Variants in ATRNL1 observed in about 807,000 individuals in gnomAD.
ATRNL1 encodes attractin-like protein 1.
Under a neutral mutation model 182.7 loss-of-function variants are expected in ATRNL1, and 95 were observed. The ratio of observed to expected loss-of-function variants is 0.52; its 90% CI spans 0.44 to 0.62. The LOEUF is 0.62. Among genes scored for constraint, ATRNL1 ranks in the 20% least tolerant of loss-of-function variants. ATRNL1 has a pLI of 0.00. For missense variants in ATRNL1, 1,471 were observed against 1,679.5 expected (o/e 0.88, Z 2.17); for synonymous variants, 576 against 568.3 (o/e 1.01, Z -0.19).
intron 26 of ATRNL1, among the ~76,000 whole-genome samples, chr10:115,662,010 T>C (rs1345611571): frequency 2.0e-5 from 3 of 147,674 alleles, no homozygotes; most frequent in African/African-American, 2.5e-5. Flanking sequence ...TTCCCACCTA[T>C]GAGTGAGAAC....
chr10:115,544,012 A>G (rs1228162355), intron 25 of ATRNL1, among the ~76,000 whole-genome samples: 1 of 151,962 alleles, frequency 6.6e-6, no homozygotes, highest in Admixed American at 6.6e-5. Context: ...TTTTTTTGAA[A>G]AAGAAAGCCC....
chr10:115,624,097 G>A (rs1378484990), intron 26 of ATRNL1, among the ~76,000 whole-genome samples: 1 of 151,940 alleles, frequency 6.6e-6, no homozygotes, highest in Non-Finnish European at 1.5e-5. Flanking sequence ...CTGAATTTAT[G>A]TATTTATTTT....
intron 26 of ATRNL1, among the ~76,000 whole-genome samples, chr10:115,679,323 T>G (rs376279983): frequency 4.2e-4 from 64 of 152,088 alleles, no homozygotes; most frequent in African/African-American, 1.5e-3. Context: ...TGGTTGGTTT[T>G]TTTTTTAATT....
At chr10:115,447,666 C>T (rs1847070133) in intron 21 of ATRNL1, among the ~76,000 whole-genome samples, 1 of 151,726 alleles carries the variant, frequency 6.6e-6, no homozygotes, top group African/African-American at 2.4e-5. Context: ...ACATTTATTT[C>T]CCCATTCTCC....
At chr10:115,530,288 A>G (rs1851489640) in intron 25 of ATRNL1, among the ~76,000 whole-genome samples, 1 of 152,150 alleles carries the variant, frequency 6.6e-6, no homozygotes, top group Admixed American at 6.5e-5. Flanking sequence ...AAACATTGTG[A>G]TAAACTGCCA....
intron 27 of ATRNL1, among the ~76,000 whole-genome samples, chr10:115,771,358 G>A (rs1219812178): frequency 1.3e-5 from 2 of 151,636 alleles, no homozygotes; most frequent in African/African-American, 4.8e-5. Flanking sequence ...AGCCTCCCAA[G>A]TAGCTGGGAC....
chr10:115,786,972 T>C (rs1015470384), intron 27 of ATRNL1, among the ~76,000 whole-genome samples: 6 of 152,230 alleles, frequency 3.9e-5, no homozygotes, highest in Admixed American at 3.3e-4. Context: ...TGGATTAATA[T>C]GTCTGCCTGC....
chr10:115,793,337 C>T (rs1459647931), intron 27 of ATRNL1, among the ~76,000 whole-genome samples: 1 of 152,032 alleles, frequency 6.6e-6, no homozygotes, highest in African/African-American at 2.4e-5. Context: ...TGTAGTCTCT[C>T]ATCATAGAAA....
chr10:115,257,918 GAATGTTGAATTTT>G (rs1554907504), intron 10 of ATRNL1, among the ~76,000 whole-genome samples: 2 of 152,194 alleles, frequency 1.3e-5, no homozygotes, highest in East Asian at 3.9e-4. Flanking sequence ...TTTTCTTTAA[GAATGTTGAATTTT>G]GGCCCTTAGT....
intron 27 of ATRNL1, among the ~76,000 whole-genome samples, chr10:115,737,020 G>C (rs1484136251): frequency 6.6e-6 from 1 of 151,992 alleles, no homozygotes; most frequent in South Asian, 2.1e-4. Flanking sequence ...TGTCATATTT[G>C]CTTGCTGCTC....
intron 24 of ATRNL1, among the ~76,000 whole-genome samples, chr10:115,514,545 T>C (rs1309606626): frequency 6.6e-6 from 1 of 151,892 alleles, no homozygotes; most frequent in Non-Finnish European, 1.5e-5. Flanking sequence ...TTATGATCTT[T>C]CTTATAAGGT....
intron 7 of ATRNL1, among the ~76,000 whole-genome samples, chr10:115,166,614 T>A (rs1847056199): frequency 6.6e-6 from 1 of 152,070 alleles, no homozygotes; most frequent in African/African-American, 2.4e-5. Flanking sequence ...CTAATGAGTA[T>A]CTCACTGTGA....
At chr10:115,646,036 TACACACACACACAC>T (rs58679995) in intron 26 of ATRNL1, among the ~76,000 whole-genome samples, 41 of 141,558 alleles carry the variant, frequency 2.9e-4, no homozygotes, top group African/African-American at 1.0e-3. Context: ...TTTTAAAATT[TACACACACACACAC>T]ACACACACAC....
intron 26 of ATRNL1, among the ~76,000 whole-genome samples, chr10:115,557,578 T>G (rs1365050877): frequency 6.6e-6 from 1 of 152,138 alleles, no homozygotes; most frequent in Non-Finnish European, 1.5e-5. Context: ...TTTAGCCACT[T>G]AGAAATCATT....
At chr10:115,424,665 A>G (rs1845802098) in intron 20 of ATRNL1, among the ~76,000 whole-genome samples, 1 of 152,184 alleles carries the variant, frequency 6.6e-6, no homozygotes, top group South Asian at 2.1e-4. Context: ...ATTATGTGAA[A>G]TAAGCACAGA....
intron 27 of ATRNL1, among the ~76,000 whole-genome samples, chr10:115,812,482 T>A (rs1423919730): frequency 6.6e-6 from 1 of 152,196 alleles, no homozygotes; most frequent in Non-Finnish European, 1.5e-5. Flanking sequence ...AGCTATTCTC[T>A]GCCTACTTAA....
chr10:115,416,235 A>G (rs1248076385), intron 20 of ATRNL1, among the ~76,000 whole-genome samples: 2 of 152,090 alleles, frequency 1.3e-5, no homozygotes, highest in African/African-American at 2.4e-5. Context: ...GCTGAGTTTC[A>G]TACCCAAAAT....
At chr10:115,760,164 TC>T (rs1555073207) in intron 27 of ATRNL1, among the ~76,000 whole-genome samples, 1 of 110,050 alleles carries the variant, frequency 9.1e-6, no homozygotes, top group African/African-American at 3.0e-5. Context: ...TGTTCATTAC[TC>T]CCCTTTCCAA....
At chr10:115,216,043 C>T (rs898369295) in intron 9 of ATRNL1, among the ~76,000 whole-genome samples, 163 bp downstream of exon 9, 2 of 152,104 alleles carry the variant, frequency 1.3e-5, no homozygotes, top group Non-Finnish European at 2.9e-5. Flanking sequence ...AGTATGACTT[C>T]GATATCATCT....
Sources: allele counts gnomAD v4.1 joint callset (sites outside exome capture counted in the v4.1 genomes callset), GRCh38; gene constraint gnomAD v4.1.1; transcripts MANE v1.5; gene names NCBI Gene and HGNC (gene_info 2026-07-23, HGNC 2026-07-21).